Variants in PTK2 observed in about 807,000 individuals in gnomAD.
The protein encoded by PTK2 is focal adhesion kinase 1.
PTK2 carries 45 observed loss-of-function variants against 150.1 expected under a neutral mutation model. The ratio of observed to expected loss-of-function variants is 0.30; its 90% CI spans 0.24 to 0.38. The LOEUF (loss-of-function observed/expected upper bound fraction) is 0.38, where lower values mean the gene tolerates loss of function less well. Ranked by LOEUF, PTK2 falls within the 10% of genes least tolerant of loss-of-function variation. The pLI is 1.00. For missense variants in PTK2, 919 were observed against 1,307.3 expected, an observed-to-expected ratio of 0.70 and a Z score of 4.58; for synonymous variants, 432 against 449.2, an observed-to-expected ratio of 0.96 and a Z score of 0.48.
chr8:140,731,472 G>T (rs1182488139), intron 22 of PTK2, among the ~76,000 whole-genome samples: 2 of 152,114 alleles, frequency 1.3e-5, no homozygotes, highest in Non-Finnish European at 2.9e-5. Context: ...TAAGTAAACA[G>T]GATGTAGGAA....
At position 140,869,874 on chromosome 8, in the gene PTK2, TAA is replaced by T. The variant is rs572534380; in HGVS notation, c.363-5477_363-5476del. On this transcript the variant is annotated intron_variant, in intron 4 of 31. Coordinates refer to ENST00000522684, the Ensembl canonical transcript of PTK2. ...ATAAAGAATCACAAGACAGAATTAC[TAA>T]AAAAAAAAAGTAAATCGACAATTAC... Among the ~76,000 whole-genome samples the T allele has an allele frequency of 4.8e-3, 681 of 142,862 alleles. 4 individuals carry two copies. Among genetic ancestry groups the T allele is most frequent in the African/African-American group, 0.016 (644 of 39,128 alleles). The allele number at this position is 142,862 out of a possible 152,430, so 93.7% of individuals were successfully genotyped here.
At chr8:140,820,077 T>TG (rs1491540290) in intron 8 of PTK2, among the ~76,000 whole-genome samples, 3 of 16,220 alleles carry the variant, frequency 1.8e-4, no homozygotes, top group African/African-American at 2.8e-4. Flanking sequence ...CTGACTTTGG[T>TG]TTTTTTTTTT....
intron 4 of PTK2, among the ~76,000 whole-genome samples, chr8:140,869,904 T>C (rs1318725521): frequency 6.7e-6 from 1 of 149,754 alleles, no homozygotes; most frequent in African/African-American, 2.5e-5. Context: ...ACAATTACAG[T>C]TGAATACTTT....
chr8:140,774,204 T>C (rs886909861), intron 14 of PTK2, among the ~76,000 whole-genome samples: 25 of 152,206 alleles, frequency 1.6e-4, no homozygotes, highest in Non-Finnish European at 1.0e-4. Context: ...GTACAGGGAT[T>C]ACTCCATACT....
chr8:140,917,906 C>T (rs936930457), intron 2 of PTK2, among the ~76,000 whole-genome samples: 2 of 152,188 alleles, frequency 1.3e-5, no homozygotes, highest in Admixed American at 1.3e-4. Flanking sequence ...AATGAGAGCA[C>T]TGGAGTGAGA....
intron 16 of PTK2, among the ~76,000 whole-genome samples, chr8:140,759,039 T>G (rs1169000288): frequency 2.0e-5 from 3 of 152,226 alleles, no homozygotes; most frequent in Non-Finnish European, 4.4e-5. Flanking sequence ...AGCCTAGATG[T>G]GTAGTAGGCT....
In PTK2 at chr8:140,819,126, A is replaced by G. The variant is rs2100106639; in HGVS notation, c.649-106T>C. ...CTACCAACTACTTACTAACACCTAC[A>G]TTCAAATTACTGCCAAAAAGTATAC... is the stretch of plus-strand genomic sequence containing the variant. On this transcript the variant is annotated intron_variant, in intron 8 of 31. Coordinates refer to ENST00000522684, the Ensembl canonical transcript of PTK2. The G allele has an allele frequency of 9.8e-6, 11 of 1,116,920 alleles. No homozygotes were observed. In the South Asian group the frequency reaches 1.9e-4, roughly 20 times the overall value. The allele number at this position is 1,116,920 out of a possible 1,614,324, so 69.2% of individuals were successfully genotyped here. A position where few individuals can be genotyped will look rare whatever the true frequency, so the allele number is the denominator to read the frequency against.
chr8:140,896,764 C>T (rs959758887), intron 2 of PTK2, among the ~76,000 whole-genome samples: 14 of 141,666 alleles, frequency 9.9e-5, no homozygotes, highest in African/African-American at 2.0e-4. Flanking sequence ...GTACCATAGA[C>T]GCCCCCCCTT....
At chr8:140,846,543 C>A (rs763165444) in intron 6 of PTK2, 56 bp downstream of exon 6, 3 of 1,391,428 alleles carry the variant, frequency 2.2e-6, no homozygotes, top group Non-Finnish European at 2.0e-6. Flanking sequence ...GGAAAATATT[C>A]AAAAATAATT....
intron 1 of PTK2, among the ~76,000 whole-genome samples, chr8:140,960,798 T>C (rs1159737329): frequency 6.6e-6 from 1 of 152,010 alleles, no homozygotes; most frequent in Non-Finnish European, 1.5e-5. Context: ...CCGACCAACA[T>C]GGTAAAACTC....
chr8:140,674,656 T>C (rs1392408352), intron 28 of PTK2, among the ~76,000 whole-genome samples: 2 of 151,984 alleles, frequency 1.3e-5, no homozygotes, highest in Non-Finnish European at 2.9e-5. Context: ...GGAGAATCGC[T>C]TGAACCCAGG....
chr8:140,701,162 A>G, intron 25 of PTK2, 140 bp from the exon 29 acceptor site: 1 of 977,036 alleles, frequency 1.0e-6, no homozygotes, highest in Non-Finnish European at 1.4e-6. Context: ...TGCTTGTGGG[A>G]ATAACTTTTC....
chr8:140,891,916 T>C (rs992344177), intron 2 of PTK2, among the ~76,000 whole-genome samples: 3 of 152,096 alleles, frequency 2.0e-5, no homozygotes, highest in South Asian at 2.1e-4. Flanking sequence ...CTCAGATCCA[T>C]CGTGGCAGGC....
intron 1 of PTK2, among the ~76,000 whole-genome samples, chr8:140,963,487 C>A (rs1043277275): frequency 1.3e-5 from 2 of 152,202 alleles, no homozygotes; most frequent in Non-Finnish European, 2.9e-5. Flanking sequence ...CTCTCCAATT[C>A]TATGGCCATC....
At chr8:140,908,796 A>G (rs1341125055) in intron 2 of PTK2, among the ~76,000 whole-genome samples, 1 of 152,216 alleles carries the variant, frequency 6.6e-6, no homozygotes, top group African/African-American at 2.4e-5. Flanking sequence ...AGAACACTTC[A>G]GTCTCTTGCC....
At chr8:140,723,795 T>C (rs1258765533) in intron 22 of PTK2, among the ~76,000 whole-genome samples, 7 of 152,228 alleles carry the variant, frequency 4.6e-5, no homozygotes, top group Non-Finnish European at 1.5e-5. Context: ...TACACTTTAT[T>C]GATCCACGTG....
intron 1 of PTK2, among the ~76,000 whole-genome samples, chr8:140,951,878 C>G (rs901747552): frequency 3.4e-5 from 5 of 147,232 alleles, no homozygotes; most frequent in African/African-American, 1.3e-4. Flanking sequence ...GAGCAAGACT[C>G]TATCTGCAAA....
At chr8:140,907,023 C>T (rs1225248725) in intron 2 of PTK2, among the ~76,000 whole-genome samples, 1 of 152,190 alleles carries the variant, frequency 6.6e-6, no homozygotes, top group Non-Finnish European at 1.5e-5. Flanking sequence ...CCAGTGAAGA[C>T]ACAACAAGCA....
chr8:140,814,476 A>G (rs1046545310), intron 10 of PTK2, among the ~76,000 whole-genome samples: 2 of 152,134 alleles, frequency 1.3e-5, no homozygotes, highest in Non-Finnish European at 2.9e-5. Context: ...AGTAGGCTTT[A>G]TTCCTGGGAT....
Sources: allele counts gnomAD v4.1 joint callset (sites outside exome capture counted in the v4.1 genomes callset), GRCh38; gene constraint gnomAD v4.1.1; transcripts MANE v1.5; gene names NCBI Gene and HGNC (gene_info 2026-07-23, HGNC 2026-07-21).